MAGI2: variants seen among roughly 807,000 people sequenced by gnomAD.
The protein encoded by MAGI2 is membrane associated guanylate kinase, WW and PDZ domain containing 2, also known as membrane-associated guanylate kinase, WW and PDZ domain-containing protein 2.
In MAGI2, 35 loss-of-function variants were observed where a neutral mutation model predicts 133.3. That is an observed-to-expected ratio of 0.26 (90% CI 0.20 to 0.35). The LOEUF (loss-of-function observed/expected upper bound fraction) is 0.35. Among genes scored for constraint, MAGI2 ranks in the 10% least tolerant of loss-of-function variants. The pLI, the probability that MAGI2 is intolerant of heterozygous loss-of-function variation, is 1.00. For synonymous variants in MAGI2, 729 were observed against 710.6 expected, an observed-to-expected ratio of 1.03 and a Z score of -0.41; for missense variants, 1,636 against 1,863.4, an observed-to-expected ratio of 0.88 and a Z score of 2.25.
At chr7:78,052,118 AC>A (rs1411227868) in intron 21 of MAGI2, among the ~76,000 whole-genome samples, 1 of 151,190 alleles carries the variant, frequency 6.6e-6, no homozygotes, top group Non-Finnish European at 1.5e-5. Flanking sequence ...CGATCCACTC[AC>A]CCTGGCCTCC....
At chr7:78,714,756 G>GAGGAGGAGGTA (rs1292767676) in intron 2 of MAGI2, among the ~76,000 whole-genome samples, 1 of 152,094 alleles carries the variant, frequency 6.6e-6, no homozygotes, top group Non-Finnish European at 1.5e-5. Flanking sequence ...ATGGTAGGAG[G>GAGGAGGAGGTA]GAAATGCAAA....
intron 3 of MAGI2, among the ~76,000 whole-genome samples, chr7:78,577,708 A>G (rs567002210): frequency 6.6e-6 from 1 of 152,168 alleles, no homozygotes. Context: ...TTGAGCCAGG[A>G]TGAGCCAGGA....
At chr7:79,232,009 T>C (rs1207196297) in intron 1 of MAGI2, among the ~76,000 whole-genome samples, 1 of 152,168 alleles carries the variant, frequency 6.6e-6, no homozygotes, top group Non-Finnish European at 1.5e-5. Flanking sequence ...ATGAAGGTTG[T>C]TGAATTTTGT....
At chr7:78,772,444 GC>G (rs1174155843) in intron 2 of MAGI2, among the ~76,000 whole-genome samples, 1 of 152,168 alleles carries the variant, frequency 6.6e-6, no homozygotes, top group Non-Finnish European at 1.5e-5. Flanking sequence ...TGGTGCCTCA[GC>G]AAAAGAGGAA....
chr7:78,880,997 G>C (rs1421747310), intron 2 of MAGI2, among the ~76,000 whole-genome samples: 3 of 151,992 alleles, frequency 2.0e-5, no homozygotes, highest in Non-Finnish European at 4.4e-5. Flanking sequence ...AAAGATCAAG[G>C]GTTCAATTCA....
At chr7:78,425,886 C>T (rs73370221) in intron 6 of MAGI2, among the ~76,000 whole-genome samples, 5,573 of 152,174 alleles carry the variant, frequency 0.037, 327 homozygotes, top group African/African-American at 0.13. Context: ...AATTTAACTC[C>T]CTGCCAGAAC....
chr7:78,582,022 G>T (rs1257109481), intron 3 of MAGI2, among the ~76,000 whole-genome samples: 1 of 152,130 alleles, frequency 6.6e-6, no homozygotes, highest in Non-Finnish European at 1.5e-5. Context: ...CTCCTTCCTA[G>T]GTTTTATAAC....
intron 20 of MAGI2, among the ~76,000 whole-genome samples, chr7:78,100,978 GAA>G (rs34778958): frequency 2.0e-5 from 3 of 147,832 alleles, no homozygotes; most frequent in African/African-American, 7.4e-5. Flanking sequence ...AAAATACTTA[GAA>G]AAAAAAAAGT....
intron 6 of MAGI2, among the ~76,000 whole-genome samples, chr7:78,445,543 C>G (rs1788048935): frequency 6.6e-6 from 1 of 152,048 alleles, no homozygotes; most frequent in South Asian, 2.1e-4. Context: ...GTCAAATTTA[C>G]TTTACCTCAA....
At chr7:79,032,667 G>C (rs1043136489) in intron 1 of MAGI2, among the ~76,000 whole-genome samples, 19 of 151,876 alleles carry the variant, frequency 1.3e-4, no homozygotes, top group Non-Finnish European at 2.2e-4. Context: ...TCTATCTGTA[G>C]CTTTCAGGGA....
chr7:78,229,813 GCTC>G (rs1563294756), intron 10 of MAGI2, among the ~76,000 whole-genome samples: 1 of 152,188 alleles, frequency 6.6e-6, no homozygotes, highest in African/African-American at 2.4e-5. Flanking sequence ...ATAAGAGAGA[GCTC>G]CTGGATTCTG....
chr7:79,269,616 T>C (rs985091237), intron 1 of MAGI2, among the ~76,000 whole-genome samples: 1 of 152,190 alleles, frequency 6.6e-6, no homozygotes, highest in African/African-American at 2.4e-5. Context: ...TTTGGTGCTA[T>C]GTATATTGAT....
At chr7:78,603,473 A>G (rs547189273) in intron 3 of MAGI2, among the ~76,000 whole-genome samples, 6 of 152,306 alleles carry the variant, frequency 3.9e-5, no homozygotes, top group African/African-American at 1.4e-4. Context: ...GAAATGGATT[A>G]AAACATTCAA....
chr7:78,083,642 G>A (rs1816302365), intron 20 of MAGI2, among the ~76,000 whole-genome samples: 1 of 152,140 alleles, frequency 6.6e-6, no homozygotes, highest in African/African-American at 2.4e-5. Flanking sequence ...AATGTCACAG[G>A]GACAAGGCGG....
intron 10 of MAGI2, among the ~76,000 whole-genome samples, chr7:78,243,155 G>GA (rs1791335238): frequency 1.3e-5 from 2 of 150,802 alleles, no homozygotes; most frequent in South Asian, 2.1e-4. Flanking sequence ...GTAGCAACAT[G>GA]AAACAACCTC....
At chr7:78,541,854 A>G (rs1363678224) in intron 3 of MAGI2, among the ~76,000 whole-genome samples, 6 of 152,248 alleles carry the variant, frequency 3.9e-5, no homozygotes, top group Middle Eastern at 3.2e-3. Flanking sequence ...CCTTCCTTCA[A>G]ATAATCTTTA....
At chr7:78,508,473 A>AT (rs1007774923) in intron 4 of MAGI2, among the ~76,000 whole-genome samples, 54 of 152,330 alleles carry the variant, frequency 3.5e-4, no homozygotes, top group African/African-American at 1.3e-3. Context: ...ATCGGCTTAA[A>AT]TTTTTTAAAA....
chr7:78,088,459 T>A (rs10246094), intron 20 of MAGI2, among the ~76,000 whole-genome samples: 1 of 151,976 alleles, frequency 6.6e-6, no homozygotes, highest in Non-Finnish European at 1.5e-5. Context: ...GCGGGGACAT[T>A]GGTTAGCTGG....
At chr7:78,036,389 A>C (rs1810224460) in intron 21 of MAGI2, among the ~76,000 whole-genome samples, 1 of 119,156 alleles carries the variant, frequency 8.4e-6, no homozygotes, top group Non-Finnish European at 1.7e-5. Flanking sequence ...TTTGGCATAT[A>C]GTAAGCACTT....
Sources: allele counts gnomAD v4.1 joint callset (sites outside exome capture counted in the v4.1 genomes callset), GRCh38; gene constraint gnomAD v4.1.1; transcripts MANE v1.5; gene names NCBI Gene and HGNC (gene_info 2026-07-23, HGNC 2026-07-21).